CPEB1: variants seen among roughly 807,000 people sequenced by gnomAD.
CPEB1 encodes cytoplasmic polyadenylation element binding protein 1, also known as cytoplasmic polyadenylation element-binding protein 1.
Under a neutral mutation model 65.8 loss-of-function variants are expected in CPEB1, and 7 were observed. That is an observed-to-expected ratio of 0.11 (90% CI 0.06 to 0.20). CPEB1 has a LOEUF of 0.20. Among genes scored for constraint, CPEB1 ranks in the 10% least tolerant of loss-of-function variants. The pLI is 1.00. For synonymous variants in CPEB1, 262 were observed against 260.0 expected (o/e 1.01, Z -0.08); for missense variants, 551 against 712.2 (o/e 0.77, Z 2.58).
chr15:82,632,558 T>C (rs1421466255), intron 1 of CPEB1, among the ~76,000 whole-genome samples: 18 of 152,140 alleles, frequency 1.2e-4, no homozygotes, highest in Admixed American at 3.3e-4. Context: ...TTCTGTCCCC[T>C]AGGTTGGAGC....
intron 3 of CPEB1, among the ~76,000 whole-genome samples, chr15:82,580,993 A>AG (rs1179511621): frequency 6.6e-6 from 1 of 152,110 alleles, no homozygotes; most frequent in Non-Finnish European, 1.5e-5. Context: ...ATGGGACCAC[A>AG]GGTGCATGTC....
chr15:82,547,711 C>T (rs1172666726), intron 10 of CPEB1, among the ~76,000 whole-genome samples: 4 of 152,046 alleles, frequency 2.6e-5, no homozygotes, highest in Admixed American at 2.0e-4. Flanking sequence ...CTCCCTCTGT[C>T]ACTCAGGCTG....
chr15:82,580,103 T>A (rs1230672529), intron 3 of CPEB1, among the ~76,000 whole-genome samples: 2 of 151,224 alleles, frequency 1.3e-5, no homozygotes, highest in South Asian at 2.1e-4. Flanking sequence ...AGGCGGATAA[T>A]GAGGTCAAGA....
intron 4 of CPEB1, among the ~76,000 whole-genome samples, chr15:82,564,912 T>TA (rs34880418): frequency 7.8e-4 from 119 of 152,106 alleles, no homozygotes; most frequent in Non-Finnish European, 1.4e-3. Context: ...CACTGAATTA[T>TA]ATACCAACCA....
In CPEB1 at chr15:82,627,306, G is replaced by A. The variant is rs374349658; in HGVS notation, c.158C>T (p.Thr53Met). 51 of 1,613,446 alleles carry A rather than the reference G, an allele frequency of 3.2e-5. No homozygotes were observed. Among genetic ancestry groups the A allele is most frequent in the Non-Finnish European group, 3.7e-5 (44 of 1,179,662 alleles). The change falls in exon 3 of 13, where the codon ACG becomes ATG. Residue 53 changes from threonine to methionine, a missense_variant. Physicochemically the swap from Thr to Met is moderately conservative, Grantham distance 81. Around this residue, in one of 6 missense-constraint regions of CPEB1, gnomAD observed 223 missense variants for 228.6 expected, o/e 0.98. Coordinates refer to ENST00000684509, the MANE Select transcript of CPEB1 (RefSeq NM_001365242.1). ...TCGAAAGATATTGGCATTACTACAC[G>A]TGGAGAGAGCAGGTGCTTCCTGGTT... is the stretch of plus-strand genomic sequence containing the variant. ...WDNQEAPALS[T>M]CSNANIFRRI...
At chr15:82,545,731 C>A (rs1451706598) in intron 12 of CPEB1, among the ~76,000 whole-genome samples, 7 of 152,138 alleles carry the variant, frequency 4.6e-5, no homozygotes, top group African/African-American at 1.7e-4. Context: ...AGCCCAGATG[C>A]AAATATCAAA....
At chr15:82,594,245 A>C (rs1371871208) in intron 3 of CPEB1, among the ~76,000 whole-genome samples, 1 of 152,216 alleles carries the variant, frequency 6.6e-6, no homozygotes, top group Non-Finnish European at 1.5e-5. Flanking sequence ...CATCTTACCA[A>C]TGATCTTAGC....
chr15:82,610,981 A>AAAAAAAAGAAAAAAAG (rs781581118), intron 3 of CPEB1, among the ~76,000 whole-genome samples: 20 of 135,214 alleles, frequency 1.5e-4, no homozygotes, highest in African/African-American at 4.5e-4. Context: ...AAAAAAAAAA[A>AAAAAAAAGAAAAAAAG]AAAAAAAGAA....
At chr15:82,554,164 C>CCA (rs1377081406) in intron 6 of CPEB1, among the ~76,000 whole-genome samples, 173 bp from the exon 7 acceptor site, 2 of 152,196 alleles carry the variant, frequency 1.3e-5, no homozygotes, top group African/African-American at 4.8e-5. Flanking sequence ...TCTCACCAAT[C>CCA]CACTCAGTCA....
chr15:82,554,125 T>C, intron 6 of CPEB1, 134 bp from the exon 7 acceptor site: 1 of 557,176 alleles, frequency 1.8e-6, no homozygotes, highest in East Asian at 3.2e-5. Flanking sequence ...AGAATATCCA[T>C]GATTATTCTG....
intron 9 of CPEB1, among the ~76,000 whole-genome samples, chr15:82,551,948 G>A (rs1174515592): frequency 2.0e-5 from 3 of 152,188 alleles, no homozygotes; most frequent in East Asian, 1.9e-4. Flanking sequence ...TAGAAAAAGC[G>A]TAGGAAGAGA....
chr15:82,647,908 G>A (rs908459590), upstream of CPEB1: 2 of 1,229,182 alleles, frequency 1.6e-6, no homozygotes, highest in Non-Finnish European at 2.0e-6. Flanking sequence ...CGGGCTGACC[G>A]GCCAGCCGGC....
chr15:82,556,877 A>G (rs1206152234), intron 5 of CPEB1, among the ~76,000 whole-genome samples: 1 of 152,188 alleles, frequency 6.6e-6, no homozygotes, highest in Non-Finnish European at 1.5e-5. Flanking sequence ...CAACTTCCAT[A>G]TTCTAGGACA....
rs368170862 is a variant in CPEB1, at chr15:82,604,028, T to A, written c.271+23165A>T. On this transcript the variant is annotated intron_variant, in intron 3 of 12. Coordinates refer to ENST00000684509, the MANE Select transcript of CPEB1 (RefSeq NM_001365242.1). ...CATTACATGTATTAGACAAAGACTC[T>A]AGCTATTTTCAATATGTATGAAGAG... 2.1e-3 allele frequency among the ~76,000 whole-genome samples: 314 copies of A among 152,312 alleles called. 1 individual carries two copies. The highest frequency in any genetic ancestry group is 7.4e-3 in the African/African-American group (309 of 41,576).
chr15:82,645,456 C>CT (rs2047424802), intron 1 of CPEB1, among the ~76,000 whole-genome samples: 1 of 151,918 alleles, frequency 6.6e-6, no homozygotes, highest in Non-Finnish European at 1.5e-5. Context: ...CCGGGCCGTA[C>CT]TTTTTTATTA....
At chr15:82,587,303 C>G (rs1162057287) in intron 3 of CPEB1, among the ~76,000 whole-genome samples, 1 of 152,140 alleles carries the variant, frequency 6.6e-6, no homozygotes, top group Non-Finnish European at 1.5e-5. Context: ...AGTATCAAAA[C>G]TCTTTAACTT....
At chr15:82,573,201 G>A in intron 3 of CPEB1, 2 of 1,488,356 alleles carry the variant, frequency 1.3e-6, no homozygotes, top group Non-Finnish European at 1.8e-6. Flanking sequence ...GCATAGCCTA[G>A]AAGGGAAAAT....
At chr15:82,571,563 C>G (rs766555395) in intron 3 of CPEB1, 31 bp from the exon 4 acceptor site, 21 of 1,598,724 alleles carry the variant, frequency 1.3e-5, no homozygotes, top group Non-Finnish European at 1.6e-5. Flanking sequence ...GCAGAAACCT[C>G]AGAGTTAAGG....
At chr15:82,626,232 G>A (rs889002854) in intron 3 of CPEB1, among the ~76,000 whole-genome samples, 4 of 151,220 alleles carry the variant, frequency 2.6e-5, no homozygotes, top group East Asian at 2.0e-4. Flanking sequence ...TCAGGACATC[G>A]AGACCATCCT....
Sources: gnomAD v4.1 joint callset for allele counts (sites outside exome capture counted in the v4.1 genomes callset) on GRCh38, gnomAD v4.1.1 for gene constraint, gnomAD v4.1.1 regional missense constraint, MANE v1.5 for transcripts, NCBI Gene and HGNC (gene_info 2026-07-23, HGNC 2026-07-21) for gene names.